KHDRBS2: variants seen among roughly 807,000 people sequenced by gnomAD.
The protein encoded by KHDRBS2 is KH RNA binding domain containing, signal transduction associated 2.
Under a neutral mutation model 44.3 loss-of-function variants are expected in KHDRBS2, and 26 were observed. The ratio of observed to expected loss-of-function variants is 0.59; its 90% CI spans 0.43 to 0.81. The LOEUF is 0.81. Ranked by LOEUF, KHDRBS2 falls within the 40% of genes least tolerant of loss-of-function variation. KHDRBS2 has a pLI of 0.00. For synonymous variants in KHDRBS2, 194 were observed against 151.1 expected, an observed-to-expected ratio of 1.28 and a Z score of -2.08; for missense variants, 476 against 433.1, an observed-to-expected ratio of 1.10 and a Z score of -0.88.
At chr6:62,137,828 C>T (rs1326684903) in intron 2 of KHDRBS2, among the ~76,000 whole-genome samples, 1 of 152,076 alleles carries the variant, frequency 6.6e-6, no homozygotes, top group Non-Finnish European at 1.5e-5. Context: ...AGTTTTCATA[C>T]ATTATTTAAA....
the KHDRBS2 span, among the ~76,000 whole-genome samples, chr6:61,655,579 T>A: frequency 3.6e-4 from 55 of 152,132 alleles, 1 homozygote; most frequent in East Asian, 8.0e-3. Context: ...TAAGACATAT[T>A]TTTTTTCTGC....
intron 4 of KHDRBS2, among the ~76,000 whole-genome samples, chr6:61,914,069 A>G (rs1238047277): frequency 6.6e-6 from 1 of 152,048 alleles, no homozygotes; most frequent in African/African-American, 2.4e-5. Flanking sequence ...TCTGGCTGCC[A>G]TGACACAAAT....
At chr6:62,182,384 CTG>C in intron 1 of KHDRBS2, among the ~76,000 whole-genome samples, 1 of 151,960 alleles carries the variant, frequency 6.6e-6, no homozygotes, top group Non-Finnish European at 1.5e-5. Context: ...TAGAGAACCA[CTG>C]TACAACATAG....
the KHDRBS2 span, among the ~76,000 whole-genome samples, chr6:61,552,404 G>A: frequency 2.0e-5 from 3 of 152,166 alleles, no homozygotes; most frequent in Non-Finnish European, 2.9e-5. Flanking sequence ...AGCTCAAGGA[G>A]CTTTTGGGTG....
intron 6 of KHDRBS2, among the ~76,000 whole-genome samples, chr6:61,742,744 C>A (rs929097693): frequency 6.6e-6 from 1 of 151,976 alleles, no homozygotes; most frequent in African/African-American, 2.4e-5. Context: ...GGTACACATC[C>A]TCAGTGAGGT....
At chr6:61,914,807 A>C (rs1253105414) in intron 4 of KHDRBS2, among the ~76,000 whole-genome samples, 3 of 152,136 alleles carry the variant, frequency 2.0e-5, no homozygotes, top group Non-Finnish European at 4.4e-5. Context: ...AAAAATTAAA[A>C]AGACAAAATA....
At chr6:61,786,109 C>T (rs1314527093) in intron 6 of KHDRBS2, among the ~76,000 whole-genome samples, 1 of 151,950 alleles carries the variant, frequency 6.6e-6, no homozygotes, top group Non-Finnish European at 1.5e-5. Flanking sequence ...TCCTGTAAGG[C>T]AGTTTGAAAA....
intron 7 of KHDRBS2, among the ~76,000 whole-genome samples, chr6:61,702,395 C>A (rs1357769710): frequency 1.3e-5 from 2 of 151,892 alleles, no homozygotes; most frequent in Non-Finnish European, 2.9e-5. Context: ...CACCTACCTG[C>A]CCTAGCCTAT....
intron 1 of KHDRBS2, among the ~76,000 whole-genome samples, chr6:62,197,715 C>T (rs1315881864): frequency 6.6e-6 from 1 of 152,148 alleles, no homozygotes; most frequent in Non-Finnish European, 1.5e-5. Context: ...AGGAACTGAA[C>T]TCAGCTCTGC....
the KHDRBS2 span, among the ~76,000 whole-genome samples, chr6:61,621,166 C>T: frequency 3.9e-5 from 6 of 152,234 alleles, no homozygotes; most frequent in East Asian, 1.9e-4. Flanking sequence ...ACAGAAAATC[C>T]GTGGCAGAAG....
chr6:61,694,540 A>T (rs923031100), intron 8 of KHDRBS2, among the ~76,000 whole-genome samples: 1 of 152,174 alleles, frequency 6.6e-6, no homozygotes, highest in African/African-American at 2.4e-5. Flanking sequence ...TTGCGGCCTC[A>T]TTCCTATATG....
chr6:61,655,632 T>C, the KHDRBS2 span, among the ~76,000 whole-genome samples: 2 of 152,064 alleles, frequency 1.3e-5, no homozygotes, highest in African/African-American at 2.4e-5. Flanking sequence ...AACGTGTCCA[T>C]GCACAACCAA....
chr6:61,774,339 T>C (rs1781560200), intron 6 of KHDRBS2, among the ~76,000 whole-genome samples: 1 of 152,118 alleles, frequency 6.6e-6, no homozygotes, highest in South Asian at 2.1e-4. Flanking sequence ...TAGTTCTCCT[T>C]GAAGAGGTCC....
chr6:61,685,990 G>C (rs572571758), intron 8 of KHDRBS2, among the ~76,000 whole-genome samples: 1 of 151,770 alleles, frequency 6.6e-6, no homozygotes. Flanking sequence ...AACTTTTAAT[G>C]TTTATCTTTC....
chr6:61,775,628 C>T (rs1176617713), intron 6 of KHDRBS2, among the ~76,000 whole-genome samples: 1 of 152,070 alleles, frequency 6.6e-6, no homozygotes, highest in African/African-American at 2.4e-5. Context: ...AACCATTGCT[C>T]AATGAAATAA....
At chr6:62,078,341 T>C (rs1202192350) in intron 2 of KHDRBS2, among the ~76,000 whole-genome samples, 1 of 152,056 alleles carries the variant, frequency 6.6e-6, no homozygotes, top group Admixed American at 6.6e-5. Context: ...ATCTCTTATT[T>C]TATCAAAGTT....
intron 4 of KHDRBS2, among the ~76,000 whole-genome samples, chr6:61,915,164 C>G (rs1806766694): frequency 6.6e-6 from 1 of 151,866 alleles, no homozygotes; most frequent in African/African-American, 2.4e-5. Context: ...ACCACAATGG[C>G]CTTTGGAAGG....
the KHDRBS2 span, among the ~76,000 whole-genome samples, chr6:61,600,570 A>T: frequency 0.81 from 122,516 of 151,956 alleles, 49,879 homozygotes; most frequent in African/African-American, 0.91. Flanking sequence ...TGCACCCAGG[A>T]GATTAAAAAG....
At chr6:61,897,377 T>G (rs1803100973) in intron 5 of KHDRBS2, among the ~76,000 whole-genome samples, 1 of 152,096 alleles carries the variant, frequency 6.6e-6, no homozygotes, top group African/African-American at 2.4e-5. Flanking sequence ...TATTAAGGCA[T>G]GGAGAGAACA....
Sources: allele counts gnomAD v4.1 joint callset (sites outside exome capture counted in the v4.1 genomes callset), GRCh38; gene constraint gnomAD v4.1.1; transcripts MANE v1.5; gene names NCBI Gene and HGNC (gene_info 2026-07-23, HGNC 2026-07-21).